The following FUT9 variants were observed in gnomAD, a reference collection of about 807,000 sequenced individuals.
The protein encoded by FUT9 is fucosyltransferase 9, also known as 4-galactosyl-N-acetylglucosaminide 3-alpha-L-fucosyltransferase 9.
Under a neutral mutation model 29.7 loss-of-function variants are expected in FUT9, and 15 were observed. The ratio of observed to expected loss-of-function variants is 0.51; its 90% confidence interval spans 0.34 to 0.78. FUT9 has a LOEUF of 0.78. Ranked by LOEUF, FUT9 falls within the 30% of genes least tolerant of loss-of-function variation. The pLI is 0.01. For missense variants in FUT9, 319 were observed against 425.4 expected (o/e 0.75, Z 2.20); for synonymous variants, 169 against 153.7 (o/e 1.10, Z -0.74).
chr6:96,023,365 T>G (rs1440642109), intron 1 of FUT9, among the ~76,000 whole-genome samples: 1 of 151,900 alleles, frequency 6.6e-6, no homozygotes, highest in Admixed American at 6.6e-5. Flanking sequence ...CCACAGTCAA[T>G]TTCCATTGCA....
intron 2 of FUT9, among the ~76,000 whole-genome samples, chr6:96,186,719 G>A (rs1262018027): frequency 6.6e-6 from 1 of 152,118 alleles, no homozygotes; most frequent in African/African-American, 2.4e-5. Flanking sequence ...ACAACCAATG[G>A]TGTCAATTCC....
At chr6:96,102,501 G>T (rs1043229798) in intron 1 of FUT9, among the ~76,000 whole-genome samples, 7 of 152,048 alleles carry the variant, frequency 4.6e-5, no homozygotes, top group Admixed American at 2.0e-4. Flanking sequence ...CATGTCAGGT[G>T]CTTCTCTAAG....
At chr6:96,185,697 C>A (rs1274869791) in intron 2 of FUT9, among the ~76,000 whole-genome samples, 1 of 152,058 alleles carries the variant, frequency 6.6e-6, no homozygotes, top group East Asian at 1.9e-4. Context: ...GATGTCTTTT[C>A]CACTCTGGTG....
chr6:96,148,240 T>G (rs1292951938), intron 2 of FUT9, among the ~76,000 whole-genome samples: 2 of 152,150 alleles, frequency 1.3e-5, no homozygotes, highest in Non-Finnish European at 2.9e-5. Context: ...TGATCTTGAG[T>G]AATTAGCACT....
intron 1 of FUT9, among the ~76,000 whole-genome samples, chr6:96,082,672 T>G (rs1273344083): frequency 1.3e-5 from 2 of 151,934 alleles, no homozygotes; most frequent in African/African-American, 4.8e-5. Flanking sequence ...ATTTTAAAAA[T>G]TAGTTTTCAA....
chr6:96,154,545 T>A (rs1328950990), intron 2 of FUT9, among the ~76,000 whole-genome samples: 2 of 152,198 alleles, frequency 1.3e-5, no homozygotes, highest in African/African-American at 4.8e-5. Flanking sequence ...TGTATTAATT[T>A]AAGAGTTCAG....
At chr6:96,103,781 T>C (rs528573448) in intron 1 of FUT9, among the ~76,000 whole-genome samples, 1 of 152,344 alleles carries the variant, frequency 6.6e-6, no homozygotes, top group South Asian at 2.1e-4. Flanking sequence ...TATTGACGTA[T>C]ATTTGATGGA....
At chr6:96,085,797 T>C (rs1259996156) in intron 1 of FUT9, among the ~76,000 whole-genome samples, 3 of 152,180 alleles carry the variant, frequency 2.0e-5, no homozygotes, top group African/African-American at 4.8e-5. Context: ...CAATGTACTC[T>C]ACTTCATTGC....
chr6:96,136,730 T>C (rs1476660404), intron 2 of FUT9, among the ~76,000 whole-genome samples: 1 of 151,944 alleles, frequency 6.6e-6, no homozygotes, highest in East Asian at 1.9e-4. Flanking sequence ...AGAAATGTAG[T>C]CATAAGTGTG....
intron 2 of FUT9, among the ~76,000 whole-genome samples, chr6:96,115,571 A>G (rs907741364): frequency 3.3e-5 from 5 of 152,216 alleles, no homozygotes; most frequent in Non-Finnish European, 7.3e-5. Context: ...CTCATCAATG[A>G]CACTAGCTGT....
chr6:96,203,438 A>G lies in FUT9; in HGVS notation c.283A>G (p.Thr95Ala). Residue 95 changes from threonine to alanine, a missense_variant, in exon 3 of 3, where the codon ACG (threonine) becomes GCG (alanine). Transcript: ENST00000302103. ...CAACATCCAAGGATGCCATCTCACA[A>G]CGGACCGTTCACTGTACAACAAATC... ...MFNIQGCHLTTDRSLYNKSHA... is the reference protein window; with the variant it reads ...MFNIQGCHLTADRSLYNKSHA... The G allele has an allele frequency of 6.2e-7, 1 of 1,607,854 alleles. No individual in the cohort carries two copies. Among genetic ancestry groups the G allele is most frequent in the South Asian group, 1.1e-5 (1 of 90,076 alleles).
chr6:96,113,648 C>CAA (rs1388203904), intron 1 of FUT9, among the ~76,000 whole-genome samples: 1 of 151,496 alleles, frequency 6.6e-6, no homozygotes, highest in Admixed American at 6.6e-5. Context: ...GTCAGGAGAT[C>CAA]AAGACCATCC....
intron 2 of FUT9, among the ~76,000 whole-genome samples, chr6:96,114,882 G>GA (rs1771881803): frequency 6.6e-6 from 1 of 152,164 alleles, no homozygotes. Flanking sequence ...AGCCCATCAT[G>GA]AATCAGTAGT....
At chr6:96,085,933 C>G (rs1771309400) in intron 1 of FUT9, among the ~76,000 whole-genome samples, 1 of 152,078 alleles carries the variant, frequency 6.6e-6, no homozygotes, top group East Asian at 1.9e-4. Flanking sequence ...GGTAAATATC[C>G]TCTTGTGGGC....
intron 1 of FUT9, among the ~76,000 whole-genome samples, chr6:96,070,384 A>G (rs898853910): frequency 4.6e-5 from 7 of 152,224 alleles, no homozygotes; most frequent in Non-Finnish European, 1.0e-4. Context: ...ATGGCAAACC[A>G]TATTATGTAA....
At position 96,199,807 on chromosome 6, in the gene FUT9, T is replaced by C. The variant is rs564082756; in HGVS notation, c.-8-3341T>C. On this transcript the variant is annotated intron_variant, in intron 2 of 2. Coordinates refer to ENST00000302103, the MANE Select transcript of FUT9 (RefSeq NM_006581.4). ...ACCTACCAAGCACAGTACTTGTACA[T>C]AGTTGAGATGCAGCAATTCACCCAT... 7.2e-5 allele frequency among the ~76,000 whole-genome samples: 11 copies of C among 152,308 alleles called. No homozygotes were observed. The East Asian group carries it at 2.1e-3, about 29-fold the overall frequency.
chr6:96,050,286 C>G (rs2493350), intron 1 of FUT9, among the ~76,000 whole-genome samples: 1 of 151,948 alleles, frequency 6.6e-6, no homozygotes, highest in African/African-American at 2.4e-5. Context: ...TTTACCCCAA[C>G]CTAATTTGAG....
intron 1 of FUT9, among the ~76,000 whole-genome samples, chr6:96,017,748 G>A (rs762575502): frequency 6.6e-6 from 1 of 151,972 alleles, no homozygotes; most frequent in South Asian, 2.1e-4. Flanking sequence ...TAAATTTCCT[G>A]GTATTATTAT....
At chr6:96,129,594 G>A (rs1772204265) in intron 2 of FUT9, among the ~76,000 whole-genome samples, 3 of 152,040 alleles carry the variant, frequency 2.0e-5, no homozygotes, top group Admixed American at 2.0e-4. Context: ...ATATACAAAT[G>A]TGTATAAAGT....
Sources: allele counts gnomAD v4.1 joint callset (sites outside exome capture counted in the v4.1 genomes callset), GRCh38; gene constraint gnomAD v4.1.1; transcripts MANE v1.5; gene names NCBI Gene and HGNC (gene_info 2026-07-23, HGNC 2026-07-21).